SEM1: variants seen among roughly 807,000 people sequenced by gnomAD.
SEM1 encodes the protein 26S proteasome complex subunit SEM1.
Under a neutral mutation model 12.7 loss-of-function variants are expected in SEM1, and 3 were observed. The ratio of observed to expected loss-of-function variants is 0.24; its 90% CI spans 0.11 to 0.61. SEM1 has a LOEUF of 0.61. Among genes scored for constraint, SEM1 ranks in the 20% least tolerant of loss-of-function variants. SEM1 has a pLI of 0.88. For missense variants in SEM1, 59 were observed against 81.3 expected, an observed-to-expected ratio of 0.73 and a Z score of 1.06; for synonymous variants, 30 against 27.8, an observed-to-expected ratio of 1.08 and a Z score of -0.25.
At chr7:96,603,668 T>C (rs1011677213) in intron 2 of SEM1, among the ~76,000 whole-genome samples, 31 of 152,164 alleles carry the variant, frequency 2.0e-4, no homozygotes, top group Admixed American at 2.0e-3. Context: ...GGAACTGATA[T>C]CTTGAGCAAT....
intron 2 of SEM1, among the ~76,000 whole-genome samples, chr7:96,574,388 AT>A (rs2116006638): frequency 1.2e-5 from 1 of 86,284 alleles, no homozygotes; most frequent in South Asian, 3.5e-4. Context: ...TAGTGCCGCA[AT>A]AAACATACGT....
chr7:96,573,570 T>C (rs1584774629), intron 2 of SEM1, among the ~76,000 whole-genome samples: 1 of 152,190 alleles, frequency 6.6e-6, no homozygotes, highest in Non-Finnish European at 1.5e-5. Context: ...AAAATTCTTT[T>C]CTTTAAGAAT....
intron 2 of SEM1, among the ~76,000 whole-genome samples, chr7:96,643,100 C>T (rs1342131202): frequency 6.6e-6 from 1 of 152,086 alleles, no homozygotes; most frequent in Non-Finnish European, 1.5e-5. Context: ...TCTCTCTCCT[C>T]CCACCATCCA....
chr7:96,512,051 T>C (rs929970667), intron 2 of SEM1, among the ~76,000 whole-genome samples: 5 of 152,102 alleles, frequency 3.3e-5, no homozygotes, highest in African/African-American at 1.2e-4. Context: ...GACTTTAAAG[T>C]CTTAAGTTTT....
intron 2 of SEM1, among the ~76,000 whole-genome samples, chr7:96,485,373 G>A (rs963308881): frequency 6.6e-6 from 1 of 151,850 alleles, no homozygotes; most frequent in African/African-American, 2.4e-5. Flanking sequence ...GGGATTCCTT[G>A]ACTTTTTCAG....
chr7:96,584,326 T>C (rs997095313), intron 2 of SEM1, among the ~76,000 whole-genome samples: 15 of 152,348 alleles, frequency 9.8e-5, no homozygotes, highest in South Asian at 8.3e-4. Flanking sequence ...AAAGTTTCTG[T>C]CGAGAGATCT....
At chr7:96,604,029 T>A (rs1435267990) in intron 2 of SEM1, among the ~76,000 whole-genome samples, 1 of 152,202 alleles carries the variant, frequency 6.6e-6, no homozygotes, top group Non-Finnish European at 1.5e-5. Context: ...TTTACCATTT[T>A]AAATTTTGAT....
intron 2 of SEM1, among the ~76,000 whole-genome samples, chr7:96,588,386 ACACACACACAC>A (rs371732552): frequency 0.16 from 10,796 of 69,456 alleles, 441 homozygotes; most frequent in Middle Eastern, 0.22. Flanking sequence ...ACACACACAC[ACACACACACAC>A]GAGAGAGAGA....
At chr7:96,548,710 T>A (rs914197558) in intron 2 of SEM1, among the ~76,000 whole-genome samples, 1 of 152,158 alleles carries the variant, frequency 6.6e-6, no homozygotes, top group East Asian at 1.9e-4. Flanking sequence ...AAATATAAAC[T>A]CTTTGAGCAC....
chr7:96,515,739 A>G (rs1225857965), intron 2 of SEM1, among the ~76,000 whole-genome samples: 1 of 152,164 alleles, frequency 6.6e-6, no homozygotes, highest in Non-Finnish European at 1.5e-5. Context: ...ACATGGATGA[A>G]GCTGGAAACC....
At chr7:96,707,674 T>C (rs1790511119) in intron 1 of SEM1, among the ~76,000 whole-genome samples, 1 of 152,226 alleles carries the variant, frequency 6.6e-6, no homozygotes, top group Non-Finnish European at 1.5e-5. Context: ...TTTTACTATA[T>C]AACTACTGAC....
At chr7:96,557,965 C>G (rs1003615317) in intron 2 of SEM1, among the ~76,000 whole-genome samples, 3 of 152,168 alleles carry the variant, frequency 2.0e-5, no homozygotes, top group Non-Finnish European at 4.4e-5. Context: ...CAGGTGCTGT[C>G]CATCACCCCT....
intron 2 of SEM1, among the ~76,000 whole-genome samples, chr7:96,659,438 G>A (rs545683490): frequency 2.6e-5 from 4 of 152,164 alleles, no homozygotes; most frequent in Admixed American, 1.3e-4. Context: ...GCAAACAAAA[G>A]TTGAGATCAT....
intron 2 of SEM1, among the ~76,000 whole-genome samples, chr7:96,523,102 C>G (rs117622584): frequency 2.4e-4 from 36 of 152,120 alleles, no homozygotes; most frequent in African/African-American, 8.4e-4. Flanking sequence ...ATAATGAACA[C>G]GAAGACACAG....
intron 2 of SEM1, among the ~76,000 whole-genome samples, chr7:96,507,595 G>A (rs1001034068): frequency 6.6e-6 from 1 of 152,036 alleles, no homozygotes; most frequent in South Asian, 2.1e-4. Flanking sequence ...CTTTCTAAGG[G>A]GGAAGAATGC....
At chr7:96,656,876 T>C (rs6957134) in intron 2 of SEM1, among the ~76,000 whole-genome samples, 86,963 of 139,322 alleles carry the variant, frequency 0.62, 28,476 homozygotes, top group East Asian at 0.8. Context: ...TATATATATA[T>C]ACACACACAC....
At chr7:96,488,958 C>T (rs1028746183) in intron 1 of SEM1, among the ~76,000 whole-genome samples, 1 of 152,030 alleles carries the variant, frequency 6.6e-6, no homozygotes. Context: ...TCCTTCTCTG[C>T]CTGCTGGGAT....
At chr7:96,574,398 G>A (rs551593067) in intron 2 of SEM1, among the ~76,000 whole-genome samples, 12 of 150,672 alleles carry the variant, frequency 8.0e-5, no homozygotes, top group African/African-American at 2.4e-4. Context: ...ATAAACATAC[G>A]TGTGCATGTA....
At chr7:96,669,281 T>C (rs1434991419), downstream of SEM1, among the ~76,000 whole-genome samples, 1 of 152,184 alleles carries the variant, frequency 6.6e-6, no homozygotes, top group Non-Finnish European at 1.5e-5. Flanking sequence ...AAGCTTTTCC[T>C]GTAAAGGGAC....
Sources: gnomAD v4.1 joint callset for allele counts (sites outside exome capture counted in the v4.1 genomes callset) on GRCh38, gnomAD v4.1.1 for gene constraint, MANE v1.5 for transcripts, NCBI Gene and HGNC (gene_info 2026-07-23, HGNC 2026-07-21) for gene names.